PPP1R9A: variants seen among roughly 807,000 people sequenced by gnomAD.
PPP1R9A encodes neurabin-1.
Under a neutral mutation model 141.9 loss-of-function variants are expected in PPP1R9A, and 59 were observed. That is an observed-to-expected ratio of 0.42 (90% CI 0.34 to 0.52). PPP1R9A has a LOEUF of 0.52. PPP1R9A is among the 20% of genes least tolerant of loss of function. The pLI is 0.10. For missense variants in PPP1R9A, 1,444 were observed against 1,611.9 expected, an observed-to-expected ratio of 0.90 and a Z score of 1.78; for synonymous variants, 500 against 569.7, an observed-to-expected ratio of 0.88 and a Z score of 1.74.
At chr7:95,037,370 T>C (rs893458621) in intron 2 of PPP1R9A, among the ~76,000 whole-genome samples, 1 of 152,198 alleles carries the variant, frequency 6.6e-6, no homozygotes, top group East Asian at 1.9e-4. Context: ...ATTACATTCA[T>C]AAATATAAAG....
chr7:95,026,757 G>T (rs1191553104), intron 2 of PPP1R9A, among the ~76,000 whole-genome samples: 2 of 152,140 alleles, frequency 1.3e-5, no homozygotes, highest in Non-Finnish European at 2.9e-5. Flanking sequence ...TGGGGTTGCT[G>T]CCTTTTTTTC....
At chr7:95,070,552 T>C (rs950690649) in intron 2 of PPP1R9A, among the ~76,000 whole-genome samples, 57 of 148,648 alleles carry the variant, frequency 3.8e-4, no homozygotes, top group African/African-American at 1.3e-3. Flanking sequence ...CTTAAATGAC[T>C]AATACTAAAA....
intron 2 of PPP1R9A, among the ~76,000 whole-genome samples, chr7:94,946,395 G>A (rs1461315616): frequency 2.0e-5 from 3 of 152,044 alleles, no homozygotes; most frequent in African/African-American, 7.2e-5. Flanking sequence ...CTTTGTTATG[G>A]AGGCACTGTG....
At chr7:95,101,141 C>T (rs1189850240) in intron 2 of PPP1R9A, among the ~76,000 whole-genome samples, 4 of 152,064 alleles carry the variant, frequency 2.6e-5, no homozygotes, top group African/African-American at 4.8e-5. Flanking sequence ...CGTGAGCCAC[C>T]GCGCCCGGCC....
intron 2 of PPP1R9A, among the ~76,000 whole-genome samples, chr7:95,034,535 T>C (rs1808172533): frequency 6.6e-6 from 1 of 152,118 alleles, no homozygotes. Context: ...ACATTTTTAG[T>C]AGACACAGGG....
chr7:95,269,312 C>T lies in PPP1R9A; in HGVS notation c.2929C>T (p.Pro977Ser), dbSNP rs1370077492. The T allele has an allele frequency of 1.9e-6, 3 of 1,597,952 alleles. No individual in the cohort carries two copies. In the Admixed American group the frequency reaches 5.0e-5, roughly 27 times the overall value. ...AGATTCTGGTGTTCCACCCCTCACC[C>T]CGGTGGATAGCAATGTGCCCTTCTC... ...ESDSGVPPLT[P>S]VDSNVPFSSD... Residue 977 changes from proline to serine, a missense_variant, in exon 14 of 20, where the codon CCG becomes TCG. By Grantham distance (74) the Pro-to-Ser change is moderately conservative. Transcript: ENST00000433360.
At chr7:94,957,659 A>G (rs1797209861) in intron 2 of PPP1R9A, among the ~76,000 whole-genome samples, 1 of 152,082 alleles carries the variant, frequency 6.6e-6, no homozygotes, top group Non-Finnish European at 1.5e-5. Flanking sequence ...TAACAAAAGA[A>G]AGAATCTGTA....
intron 5 of PPP1R9A, among the ~76,000 whole-genome samples, chr7:95,164,269 T>A: frequency 6.6e-6 from 1 of 152,238 alleles, no homozygotes; most frequent in East Asian, 1.9e-4. Context: ...ACCATTCAAA[T>A]AGGTGTATAG....
intron 7 of PPP1R9A, among the ~76,000 whole-genome samples, chr7:95,219,454 T>C (rs1486001314): frequency 6.6e-6 from 1 of 152,164 alleles, no homozygotes; most frequent in African/African-American, 2.4e-5. Context: ...GTCTTGGAGT[T>C]GCTCTTCTCA....
At chr7:95,136,022 T>C (rs1350206426) in intron 4 of PPP1R9A, among the ~76,000 whole-genome samples, 1 of 152,148 alleles carries the variant, frequency 6.6e-6, no homozygotes, top group Admixed American at 6.6e-5. Flanking sequence ...CGTCCCTAAG[T>C]CCACCAACTT....
At chr7:95,111,903 C>T (rs935348013) in intron 3 of PPP1R9A, among the ~76,000 whole-genome samples, 2 of 152,010 alleles carry the variant, frequency 1.3e-5, no homozygotes, top group Admixed American at 6.6e-5. Context: ...TGATTTCTCT[C>T]CCAGGAATGA....
At chr7:94,932,238 C>A (rs1019251165) in intron 2 of PPP1R9A, among the ~76,000 whole-genome samples, 1 of 152,034 alleles carries the variant, frequency 6.6e-6, no homozygotes, top group Non-Finnish European at 1.5e-5. Context: ...ACTTACCAGC[C>A]AAAAGGCTTT....
intron 4 of PPP1R9A, among the ~76,000 whole-genome samples, chr7:95,158,996 G>A (rs1436016638): frequency 6.6e-6 from 1 of 152,130 alleles, no homozygotes; most frequent in Non-Finnish European, 1.5e-5. Context: ...AATTGAAAAT[G>A]CTTATAATCT....
At chr7:95,219,977 A>T (rs1794170614) in intron 7 of PPP1R9A, among the ~76,000 whole-genome samples, 1 of 152,130 alleles carries the variant, frequency 6.6e-6, no homozygotes, top group Admixed American at 6.6e-5. Context: ...GTCAGTTAGC[A>T]TATTCTAGGC....
chr7:94,954,198 T>C (rs1209904494), intron 2 of PPP1R9A, among the ~76,000 whole-genome samples: 1 of 152,124 alleles, frequency 6.6e-6, no homozygotes, highest in Non-Finnish European at 1.5e-5. Flanking sequence ...GACTAAATTT[T>C]ACTGCTTAGC....
intron 2 of PPP1R9A, among the ~76,000 whole-genome samples, chr7:94,958,820 AAGAT>A (rs1389075263): frequency 6.6e-6 from 1 of 152,016 alleles, no homozygotes; most frequent in Non-Finnish European, 1.5e-5. Flanking sequence ...TTTCAAAGAA[AAGAT>A]ACATTTTCTG....
chr7:95,210,781 A>C (rs1585265658), intron 7 of PPP1R9A, among the ~76,000 whole-genome samples: 1 of 152,214 alleles, frequency 6.6e-6, no homozygotes, highest in African/African-American at 2.4e-5. Context: ...GATAAAGAAA[A>C]TGTGGCACAT....
intron 5 of PPP1R9A, among the ~76,000 whole-genome samples, chr7:95,173,129 G>C (rs1367895955): frequency 6.6e-6 from 1 of 151,642 alleles, no homozygotes; most frequent in Non-Finnish European, 1.5e-5. Flanking sequence ...CTAGAAAACA[G>C]GCAAAAATCT....
chr7:95,288,573 G>T lies in PPP1R9A; in HGVS notation c.3767G>T (p.Cys1256Phe), dbSNP rs1399964790. The change falls in exon 19 of 20, where the codon TGT becomes TTT. Residue 1256 changes from cysteine to phenylalanine, a missense_variant. Around this residue, in one of 5 missense-constraint regions of PPP1R9A, gnomAD observed 459 missense variants for 513.8 expected, o/e 0.89. Coordinates refer to ENST00000433360, the MANE Select transcript of PPP1R9A (RefSeq NM_001166160.2). ...DDGQSPKHSQ[C>F]QNRAVQEWSV... ...GGACAGTCTCCCAAACACAGTCAGT[G>T]TCAGAATCGGGCCGTTCAGGAATGG... The T allele has an allele frequency of 1.9e-6, 3 of 1,613,964 alleles. No homozygotes were observed. The African/African-American group carries it at 4.0e-5, about 22-fold the overall frequency.
Sources: allele counts gnomAD v4.1 joint callset (sites outside exome capture counted in the v4.1 genomes callset), GRCh38; gene constraint gnomAD v4.1.1; regional missense constraint gnomAD v4.1.1; transcripts MANE v1.5; gene names NCBI Gene and HGNC (gene_info 2026-07-23, HGNC 2026-07-21).